Variants in RFTN1 observed in about 807,000 individuals in gnomAD.
RFTN1 encodes the protein raftlin, lipid raft linker 1.
RFTN1 carries 26 observed loss-of-function variants against 46.5 expected under a neutral mutation model. That is an observed-to-expected ratio of 0.56 (90% CI 0.41 to 0.78). The LOEUF is 0.78. Among genes scored for constraint, RFTN1 ranks in the 30% least tolerant of loss-of-function variants. The pLI is 0.00. For synonymous variants in RFTN1, 261 were observed against 284.2 expected, an observed-to-expected ratio of 0.92 and a Z score of 0.82; for missense variants, 693 against 718.7, an observed-to-expected ratio of 0.96 and a Z score of 0.41.
Position 16,357,635 on chromosome 3 carries a change from A to G in RFTN1, c.1146+297T>C, listed in dbSNP as rs551975138. Among the ~76,000 whole-genome samples, 10 of 152,348 alleles carry G rather than the reference A, an allele frequency of 6.6e-5. No individual in the cohort carries two copies. The East Asian group carries it at 1.9e-3, about 29-fold the overall frequency. ...CCACAAACTATGTGGCCTCATTTAT[A>G]TCACTTAGAGTTGTCAGTTATATGC... On this transcript the variant is annotated intron_variant, in intron 7 of 9. Coordinates refer to ENST00000334133, the MANE Select transcript of RFTN1 (RefSeq NM_015150.2).
rs1474766510 is a variant in RFTN1, at chr3:16,338,372, C to A, written c.1147-11496G>T. 6.6e-6 allele frequency among the ~76,000 whole-genome samples: 1 copy of A among 152,202 alleles called. No homozygotes were observed. The highest frequency in any genetic ancestry group is 1.5e-5 in the Non-Finnish European group (1 of 68,026). On this transcript the variant is annotated intron_variant, in intron 7 of 9. Coordinates refer to ENST00000334133, the MANE Select transcript of RFTN1 (RefSeq NM_015150.2). This position sits in a 1 kb window ranked among gnomAD's most constrained non-coding sequence, Gnocchi z 5.3. ...GGCGATGGCTGGGGCCAACTCTGACCCGTAGCAGGGACAGGCACTGCAGTT... is the reference window on the plus strand; with the variant it reads ...GGCGATGGCTGGGGCCAACTCTGACACGTAGCAGGGACAGGCACTGCAGTT...
Position 16,507,718 on chromosome 3 carries a change from C to A in RFTN1, c.-9+5724G>T, listed in dbSNP as rs944964534. Among the ~76,000 whole-genome samples the A allele has an allele frequency of 2.6e-5, 4 of 151,408 alleles. No individual in the cohort carries two copies. Among genetic ancestry groups the A allele is most frequent in the Admixed American group, 2.0e-4 (3 of 15,176 alleles). On this transcript the variant is annotated intron_variant, in intron 1 of 9. Transcript: ENST00000334133. The surrounding 1 kb of genome is among the most constrained non-coding windows in gnomAD (Gnocchi z 7.1). ...ACACACACATACATACACATACACA[C>A]ATACACACAAACACATACACACATA... is the stretch of plus-strand genomic sequence containing the variant.
At position 16,474,680 on chromosome 3, in the gene RFTN1, A is replaced by G. The variant is rs776757937; in HGVS notation, c.145+19045T>C. Reference sequence around the variant, plus strand: ...ACCATGCAATGCAGTGTTAAAGTCAAAAGAACCTTAGCCACTACTGTATTT... The same window carrying G: ...ACCATGCAATGCAGTGTTAAAGTCAGAAGAACCTTAGCCACTACTGTATTT... On this transcript the variant is annotated intron_variant, in intron 2 of 9. Transcript: ENST00000334133. This position sits in a 1 kb window ranked among gnomAD's most constrained non-coding sequence, Gnocchi z 5.5. Among the ~76,000 whole-genome samples the G allele has an allele frequency of 3.3e-5, 5 of 152,260 alleles. No homozygotes were observed. Among genetic ancestry groups the G allele is most frequent in the Non-Finnish European group, 5.9e-5 (4 of 68,050 alleles).
intron 1 of RFTN1, among the ~76,000 whole-genome samples, chr3:16,505,821 A>G (rs2076795360): frequency 1.3e-5 from 2 of 152,144 alleles, no homozygotes; most frequent in African/African-American, 4.8e-5. Flanking sequence ...CATAAAATTA[A>G]CCATCACACT....
chr3:16,350,463 TTTAAA>T (rs138208557), intron 7 of RFTN1, among the ~76,000 whole-genome samples: 2,282 of 151,888 alleles, frequency 0.015, 53 homozygotes, highest in African/African-American at 0.053. Flanking sequence ...ACTTGAAAAT[TTTAAA>T]TGAGCTCAAG....
In RFTN1 at chr3:16,321,593, C is replaced by G. The variant is rs1233332968; in HGVS notation, c.1332+1783G>C. 6.6e-6 allele frequency among the ~76,000 whole-genome samples: 1 copy of G among 152,198 alleles called. No individual in the cohort carries two copies. The highest frequency in any genetic ancestry group is 1.5e-5 in the Non-Finnish European group (1 of 68,024). Reference sequence around the variant, plus strand: ...CAAGGAGTCTGGCTGTGAAGCCCCCCTCTCTGGAGGACTCCCATCTGTGAG... The same window carrying G: ...CAAGGAGTCTGGCTGTGAAGCCCCCGTCTCTGGAGGACTCCCATCTGTGAG... On this transcript the variant is annotated intron_variant, in intron 9 of 9. Transcript: ENST00000334133. This position sits in a 1 kb window ranked among gnomAD's most constrained non-coding sequence, Gnocchi z 4.8.
chr3:16,400,520 G>C lies in RFTN1; in HGVS notation c.441+8855C>G, dbSNP rs1464317567. 2.0e-5 allele frequency among the ~76,000 whole-genome samples: 3 copies of C among 152,218 alleles called. No homozygotes were observed. Among genetic ancestry groups the C allele is most frequent in the Non-Finnish European group, 4.4e-5 (3 of 68,050 alleles). ...TTTCACGTGTCCAGGGCATTACCTA[G>C]ACCGGCTTACTAAAGTATTCCCAAA... On this transcript the variant is annotated intron_variant, in intron 4 of 9. Transcript: ENST00000334133. This position sits in a 1 kb window ranked among gnomAD's most constrained non-coding sequence, Gnocchi z 4.5.
chr3:16,360,861 T>C (rs1234527086), intron 6 of RFTN1, among the ~76,000 whole-genome samples: 1 of 152,212 alleles, frequency 6.6e-6, no homozygotes, highest in East Asian at 1.9e-4. Flanking sequence ...TACAATATTA[T>C]GGAGAAAAAA....
chr3:16,392,816 G>A (rs1201131087), intron 4 of RFTN1, among the ~76,000 whole-genome samples: 1 of 152,070 alleles, frequency 6.6e-6, no homozygotes, highest in Non-Finnish European at 1.5e-5. Flanking sequence ...CACTTCCAGG[G>A]AGGGTTTTTC....
intron 2 of RFTN1, among the ~76,000 whole-genome samples, chr3:16,477,334 A>T (rs1231857269): frequency 6.6e-6 from 1 of 152,226 alleles, no homozygotes; most frequent in East Asian, 1.9e-4. Flanking sequence ...AAAGTGTGTC[A>T]ATTGAATGCA....
Position 16,344,384 on chromosome 3 carries a change from T to C in RFTN1, c.1146+13548A>G, listed in dbSNP as rs1445981777. 6.6e-6 allele frequency among the ~76,000 whole-genome samples: 1 copy of C among 152,048 alleles called. No homozygotes were observed. Among genetic ancestry groups the C allele is most frequent in the Admixed American group, 6.6e-5 (1 of 15,254 alleles). On this transcript the variant is annotated intron_variant, in intron 7 of 9. Coordinates refer to ENST00000334133, the MANE Select transcript of RFTN1 (RefSeq NM_015150.2). The surrounding 1 kb of genome is among the most constrained non-coding windows in gnomAD (Gnocchi z 4.4). ...CCTATAGGCATCAACTATAATCTAATTTAGAAACAACATGTAAAAACAGAT... is the reference window on the plus strand; with the variant it reads ...CCTATAGGCATCAACTATAATCTAACTTAGAAACAACATGTAAAAACAGAT...
Position 16,374,899 on chromosome 3 carries a change from C to G in RFTN1, c.826+2819G>C, listed in dbSNP as rs1025485523. Among the ~76,000 whole-genome samples, 1 of 152,122 alleles carries G rather than the reference C, an allele frequency of 6.6e-6. No individual in the cohort carries two copies. Among genetic ancestry groups the G allele is most frequent in the Admixed American group, 6.5e-5 (1 of 15,270 alleles). ...GGGCAAGGAGGCGTGACGGCTGCAC[C>G]GAGCCCGCAGAGATGGGGAGGGACG... On this transcript the variant is annotated intron_variant, in intron 5 of 9. Transcript: ENST00000334133. The surrounding 1 kb of genome is among the most constrained non-coding windows in gnomAD (Gnocchi z 5.4).
At chr3:16,469,098 A>G (rs2076149689) in intron 2 of RFTN1, among the ~76,000 whole-genome samples, 1 of 152,240 alleles carries the variant, frequency 6.6e-6, no homozygotes, top group Non-Finnish European at 1.5e-5. Context: ...CCCACAGGTT[A>G]CATGTGAAAA....
intron 6 of RFTN1, among the ~76,000 whole-genome samples, chr3:16,369,830 T>C (rs766180429): frequency 1.2e-4 from 18 of 152,152 alleles, no homozygotes; most frequent in Admixed American, 9.2e-4. Flanking sequence ...TTCGATGAAA[T>C]AGAATCACTC....
At chr3:16,434,187 T>TC in intron 2 of RFTN1, 150 bp from the exon 3 acceptor site, 1 of 673,658 alleles carries the variant, frequency 1.5e-6, no homozygotes, top group African/African-American at 1.8e-5. Flanking sequence ...CAAACAGACT[T>TC]TATAAGCAGC....
intron 4 of RFTN1, among the ~76,000 whole-genome samples, chr3:16,403,688 A>T (rs1219700656): frequency 1.5e-4 from 4 of 25,854 alleles, no homozygotes; most frequent in African/African-American, 6.4e-4. Flanking sequence ...TAATATATAT[A>T]TAATATATAT....
In RFTN1 at chr3:16,428,857, T is replaced by C. The variant is rs192194236; in HGVS notation, c.332+4994A>G. Among the ~76,000 whole-genome samples, 119 of 152,272 alleles carry C rather than the reference T, an allele frequency of 7.8e-4. 1 individual carries two copies. Among genetic ancestry groups the C allele is most frequent in the African/African-American group, 2.5e-3 (103 of 41,536 alleles). ...TTTAATAACTGACTTCTGTTAGCCA[T>C]CAAGTTTCAAGATCTTTAGCAACTC... On this transcript the variant is annotated intron_variant, in intron 3 of 9. Transcript: ENST00000334133. The surrounding 1 kb of genome is among the most constrained non-coding windows in gnomAD (Gnocchi z 4.7).
intron 6 of RFTN1, 100 bp downstream of exon 6, chr3:16,369,976 G>A (rs976746596): frequency 1.8e-6 from 2 of 1,122,740 alleles, no homozygotes; most frequent in Non-Finnish European, 2.7e-6. Context: ...CGGCTGCAGA[G>A]CTTTCTGAAT....
rs887467130 is a variant in RFTN1, at chr3:16,374,997, C to T, written c.826+2721G>A. On this transcript the variant is annotated intron_variant, in intron 5 of 9. Coordinates refer to ENST00000334133, the MANE Select transcript of RFTN1 (RefSeq NM_015150.2). This position sits in a 1 kb window ranked among gnomAD's most constrained non-coding sequence, Gnocchi z 5.4. Reference sequence around the variant, plus strand: ...AGCAGGCATTGCCTAGATTCCTCTCCCCAAGGCCTCCTATAAAGGAAATAA... The same window carrying T: ...AGCAGGCATTGCCTAGATTCCTCTCTCCAAGGCCTCCTATAAAGGAAATAA... Among the ~76,000 whole-genome samples, 2 of 152,170 alleles carry T rather than the reference C, an allele frequency of 1.3e-5. No individual in the cohort carries two copies. Among genetic ancestry groups the T allele is most frequent in the African/African-American group, 4.8e-5 (2 of 41,436 alleles).
Sources: allele counts gnomAD v4.1 joint callset (sites outside exome capture counted in the v4.1 genomes callset), GRCh38; gene constraint gnomAD v4.1.1; non-coding constraint Gnocchi (gnomAD v3.1); transcripts MANE v1.5; gene names NCBI Gene and HGNC (gene_info 2026-07-23, HGNC 2026-07-21).